ACBD5: variants seen among roughly 807,000 people sequenced by gnomAD.
ACBD5 encodes acyl-CoA-binding domain-containing protein 5.
ACBD5 carries 40 observed loss-of-function variants against 71.8 expected under a neutral mutation model. The observed-to-expected ratio is 0.56, with a 90% CI of 0.43 to 0.72. The LOEUF (loss-of-function observed/expected upper bound fraction) is 0.72, where lower values mean the gene tolerates loss of function less well. Ranked by LOEUF, ACBD5 falls within the 30% of genes least tolerant of loss-of-function variation. The pLI is 0.00. For missense variants in ACBD5, 559 were observed against 644.5 expected, an observed-to-expected ratio of 0.87 and a Z score of 1.44; for synonymous variants, 229 against 218.6, an observed-to-expected ratio of 1.05 and a Z score of -0.42.
intron 13 of ACBD5, among the ~76,000 whole-genome samples, chr10:27,185,185 T>A (rs984325723): frequency 6.6e-6 from 1 of 152,098 alleles, no homozygotes; most frequent in East Asian, 1.9e-4. Flanking sequence ...TCTAGGGCAA[T>A]AGATACTGCT....
intron 12 of ACBD5, 136 bp from the exon 13 acceptor site, chr10:27,197,578 A>G: frequency 1.5e-6 from 1 of 688,508 alleles, no homozygotes; most frequent in Non-Finnish European, 2.5e-6. Flanking sequence ...GAACTACATC[A>G]TATGACTTGC....
chr10:27,195,881 C>T lies in ACBD5; in HGVS notation c.*1549G>A. ...TGTGAACATATGATGTTAAACCCAA[C>T]ATCATACATCTTGAGAATGCTTAAA... is the stretch of plus-strand genomic sequence containing the variant. On this transcript the variant is annotated 3_prime_UTR_variant, in exon 13 of 13. Transcript: ENST00000396271. 2.2e-6 allele frequency: 1 copy of T among 453,558 alleles called. No individual in the cohort carries two copies. Among genetic ancestry groups the T allele is most frequent in the South Asian group, 1.6e-5 (1 of 64,338 alleles). 28.1% of individuals were successfully genotyped at this position (453,558 alleles called of 1,614,324 possible).
At chr10:27,184,073 T>C (rs1389792928) in intron 13 of ACBD5, among the ~76,000 whole-genome samples, 3 of 152,144 alleles carry the variant, frequency 2.0e-5, no homozygotes, top group Admixed American at 6.5e-5. Context: ...CTAGGTGATA[T>C]TGCTTCAGGC....
At chr10:27,208,711 A>G (rs2060737752) in intron 9 of ACBD5, among the ~76,000 whole-genome samples, 1 of 152,022 alleles carries the variant, frequency 6.6e-6, no homozygotes, top group East Asian at 1.9e-4. Context: ...GGTGGCATGC[A>G]ATTGTAATCC....
At chr10:27,216,143 T>C (rs1271148179) in intron 7 of ACBD5, among the ~76,000 whole-genome samples, 1 of 145,020 alleles carries the variant, frequency 6.9e-6, no homozygotes, top group African/African-American at 2.6e-5. Context: ...CAAAATACTG[T>C]TTATTTTTGG....
Position 27,197,403 on chromosome 10 carries a change from GTCT to G in ACBD5, c.*24_*26del. On this transcript the variant is annotated 3_prime_UTR_variant, in exon 13 of 13. Coordinates refer to ENST00000396271, the MANE Select transcript of ACBD5 (RefSeq NM_145698.5). ...ATTCTGAGGTCATCCAGTTCCAGTA[GTCT>G]TCTTGAGGAAAACACCATTTTCCTC... The G allele has an allele frequency of 1.9e-6, 3 of 1,608,750 alleles. No homozygotes were observed. Among genetic ancestry groups the G allele is most frequent in the Non-Finnish European group, 2.6e-6 (3 of 1,175,920 alleles).
chr10:27,199,259 C>A (rs1164861528), intron 12 of ACBD5, among the ~76,000 whole-genome samples: 1 of 151,288 alleles, frequency 6.6e-6, no homozygotes, highest in South Asian at 2.1e-4. Context: ...CGCGCGACCT[C>A]GGCTCACTGC....
At position 27,223,394 on chromosome 10, in the gene ACBD5, G is replaced by C. The variant is rs2137643905; in HGVS notation, c.434C>G (p.Pro145Arg). The change falls in exon 5 of 13, where the codon CCA becomes CGA. Residue 145 changes from proline to arginine, a missense_variant. Physicochemically the swap from Pro to Arg is moderately radical, Grantham distance 103. Coordinates refer to ENST00000396271, the MANE Select transcript of ACBD5 (RefSeq NM_145698.5). ...KVEELLRVIG[P>R]FYEIVEDKKS... ...TTTGTCCTCGACAATTTCATAAAAT[G>C]GACCTATGACACGCAGCAATTCTTC... 1 of 1,613,834 alleles carries C rather than the reference G, an allele frequency of 6.2e-7. No homozygotes were observed. The highest frequency in any genetic ancestry group is 8.5e-7 in the Non-Finnish European group (1 of 1,179,986).
chr10:27,226,820 T>A (rs1251280718), intron 4 of ACBD5, among the ~76,000 whole-genome samples: 1 of 151,254 alleles, frequency 6.6e-6, no homozygotes, highest in Non-Finnish European at 1.5e-5. Context: ...ATCAGCTAAC[T>A]TTTTTGTATT....
At chr10:27,192,534 G>C (rs1358366404), downstream of ACBD5, among the ~76,000 whole-genome samples, 1 of 152,146 alleles carries the variant, frequency 6.6e-6, no homozygotes, top group Admixed American at 6.6e-5. Flanking sequence ...CCATTTAGCA[G>C]CCTCACCAGA....
intron 10 of ACBD5, among the ~76,000 whole-genome samples, chr10:27,205,979 C>T (rs962501948): frequency 3.3e-5 from 5 of 152,046 alleles, no homozygotes; most frequent in African/African-American, 9.7e-5. Flanking sequence ...GAGATCGTGG[C>T]TCACTGCAGC....
chr10:27,220,423 C>A (rs2062189352), intron 5 of ACBD5: 1 of 152,932 alleles, frequency 6.5e-6, no homozygotes, highest in South Asian at 2.1e-4. Flanking sequence ...GTAAATACAT[C>A]AGAGCTTCTC....
At chr10:27,205,320 T>C in intron 10 of ACBD5, 72 bp from the exon 11 acceptor site, 2 of 1,500,540 alleles carry the variant, frequency 1.3e-6, no homozygotes, top group Non-Finnish European at 1.8e-6. Context: ...TTTCCTATCT[T>C]TTTTTAAAAG....
chr10:27,203,703 C>T (rs1416086267), intron 12 of ACBD5, among the ~76,000 whole-genome samples: 1 of 152,064 alleles, frequency 6.6e-6, no homozygotes, highest in Non-Finnish European at 1.5e-5. Context: ...CGTGCCACTG[C>T]ACCCCAGCCT....
chr10:27,214,875 AT>A (rs895644578), intron 8 of ACBD5, among the ~76,000 whole-genome samples: 3 of 152,096 alleles, frequency 2.0e-5, no homozygotes, highest in Non-Finnish European at 4.4e-5. Flanking sequence ...TCAAGAACCC[AT>A]TTTTAGGTTG....
downstream of ACBD5, among the ~76,000 whole-genome samples, chr10:27,194,636 T>TAAGAAGAAG (rs772324351): frequency 2.7e-5 from 4 of 147,316 alleles, no homozygotes; most frequent in African/African-American, 7.5e-5. Flanking sequence ...ATAATAATAA[T>TAAGAAGAAG]AATAATAATA....
At chr10:27,241,726 A>G (rs561154394), upstream of ACBD5, among the ~76,000 whole-genome samples, 65 of 152,254 alleles carry the variant, frequency 4.3e-4, no homozygotes, top group African/African-American at 1.5e-3. Context: ...TAATTAAAAA[A>G]AAAAATAAAA....
chr10:27,236,534 A>T (rs1482292684), intron 2 of ACBD5, among the ~76,000 whole-genome samples: 1 of 152,246 alleles, frequency 6.6e-6, no homozygotes, highest in Non-Finnish European at 1.5e-5. Flanking sequence ...ACAAAATTTT[A>T]AAAATAACAA....
chr10:27,200,897 G>A (rs1481366341), intron 12 of ACBD5, among the ~76,000 whole-genome samples: 2 of 152,160 alleles, frequency 1.3e-5, no homozygotes, highest in African/African-American at 4.8e-5. Context: ...TTTAGGCCAG[G>A]CATGGTGGCT....
Sources: allele counts gnomAD v4.1 joint callset (sites outside exome capture counted in the v4.1 genomes callset), GRCh38; gene constraint gnomAD v4.1.1; transcripts MANE v1.5; gene names NCBI Gene and HGNC (gene_info 2026-07-23, HGNC 2026-07-21).